The following PTPRT variants were observed in gnomAD, a reference collection of about 807,000 sequenced individuals.
PTPRT encodes the protein protein tyrosine phosphatase receptor type T.
In PTPRT, 56 loss-of-function variants were observed where a neutral mutation model predicts 176.8. That is an observed-to-expected ratio of 0.32 (90% confidence interval 0.26 to 0.40). PTPRT has a LOEUF of 0.40. Ranked by LOEUF, PTPRT falls within the 10% of genes least tolerant of loss-of-function variation. The pLI, the probability that PTPRT is intolerant of heterozygous loss-of-function variation, is 1.00. For missense variants in PTPRT, 1,540 were observed against 1,908.2 expected, an observed-to-expected ratio of 0.81 and a Z score of 3.60; for synonymous variants, 783 against 739.0, an observed-to-expected ratio of 1.06 and a Z score of -0.96.
intron 17 of PTPRT, among the ~76,000 whole-genome samples, chr20:42,149,743 G>T (rs955321740): frequency 7.2e-5 from 11 of 152,186 alleles, no homozygotes; most frequent in Admixed American, 5.2e-4. Context: ...TTTAAGAGGG[G>T]TAGGCTGAGC....
chr20:42,827,408 A>G (rs2078013373), intron 2 of PTPRT, among the ~76,000 whole-genome samples: 1 of 152,202 alleles, frequency 6.6e-6, no homozygotes, highest in Non-Finnish European at 1.5e-5. Context: ...ATTGCTCAAA[A>G]CCATGCAATT....
chr20:42,942,388 C>T (rs534987651), intron 1 of PTPRT, among the ~76,000 whole-genome samples: 1 of 152,342 alleles, frequency 6.6e-6, no homozygotes, highest in East Asian at 1.9e-4. Flanking sequence ...ACAGGATATG[C>T]ACTGGGCTTA....
chr20:42,936,071 G>A (rs1980169942), intron 1 of PTPRT, among the ~76,000 whole-genome samples: 1 of 152,156 alleles, frequency 6.6e-6, no homozygotes, highest in Non-Finnish European at 1.5e-5. Context: ...AGGCAGAAGT[G>A]AACAAAACAT....
chr20:42,953,037 T>G (rs2146021155), intron 1 of PTPRT, among the ~76,000 whole-genome samples: 1 of 152,158 alleles, frequency 6.6e-6, no homozygotes, highest in Admixed American at 6.5e-5. Flanking sequence ...CTTAAATGGG[T>G]TTCTTCCCCA....
intron 1 of PTPRT, among the ~76,000 whole-genome samples, chr20:43,120,924 A>C (rs1175278458): frequency 2.0e-5 from 3 of 152,228 alleles, no homozygotes; most frequent in Admixed American, 2.0e-4. Flanking sequence ...AAATTTTCAC[A>C]AACACACTTC....
chr20:42,747,270 A>G (rs2145365391), intron 6 of PTPRT, among the ~76,000 whole-genome samples: 1 of 152,320 alleles, frequency 6.6e-6, no homozygotes, highest in South Asian at 2.1e-4. Context: ...GTCTCGTCAC[A>G]TGCTTGTAAA....
Position 42,161,468 on chromosome 20 carries a change from C to T in PTPRT, c.2566G>A (p.Val856Met), listed in dbSNP as rs1157866097. The change falls in exon 17 of 31, where the codon GTG becomes ATG. Residue 856 changes from valine to methionine, a missense_variant. Transcript: ENST00000373187. Reference protein sequence around the residue: ...QTHPYRTCDPVEMSYPRDQFQ... With the variant: ...QTHPYRTCDPMEMSYPRDQFQ... ...TGGTCCCGGGGGTAGCTCATCTCCA[C>T]AGGGTCACAGGTGCGGTAGGGATGA... 1.2e-6 allele frequency: 2 copies of T among 1,614,014 alleles called. No individual in the cohort carries two copies. The highest frequency in any genetic ancestry group is 2.2e-5 in the East Asian group (1 of 44,888).
At chr20:42,861,793 C>T (rs1330211829) in intron 2 of PTPRT, among the ~76,000 whole-genome samples, 1 of 152,086 alleles carries the variant, frequency 6.6e-6, no homozygotes, top group Non-Finnish European at 1.5e-5. Flanking sequence ...GACATGCAAG[C>T]TCTTGCTGAG....
At chr20:42,586,982 T>C (rs1325383862) in intron 7 of PTPRT, among the ~76,000 whole-genome samples, 11 of 152,124 alleles carry the variant, frequency 7.2e-5, no homozygotes, top group Admixed American at 7.2e-4. Context: ...ATGGACCCCA[T>C]GGTCCAGCCA....
At chr20:42,459,354 A>G (rs1016054316) in intron 8 of PTPRT, among the ~76,000 whole-genome samples, 24 of 152,350 alleles carry the variant, frequency 1.6e-4, no homozygotes, top group Middle Eastern at 6.8e-3. Flanking sequence ...TGTGAGTGAC[A>G]AGAGAAACCA....
chr20:42,084,793 G>A lies in PTPRT; in HGVS notation c.4025C>T (p.Ala1342Val), dbSNP rs374501675. The change falls in exon 29 of 31, where the codon GCC (alanine) becomes GTC (valine). Residue 1342 changes from alanine (A) to valine (V), a missense_variant. Ala to Val is a moderately conservative substitution (Grantham distance 64). Transcript: ENST00000373187. ...VQHLQYIGWPAYRDTPPSKRS... is the reference protein window; with the variant it reads ...VQHLQYIGWPVYRDTPPSKRS... The stretch of plus-strand genomic sequence containing the variant: ...CTTGGAGGGGGGCGTGTCCCGGTAG[G>A]CAGGCCAGCCAATGTACTGGAGGTG... The A allele has an allele frequency of 2.3e-5, 36 of 1,550,118 alleles. No individual in the cohort carries two copies. In the African/African-American group the frequency reaches 3.4e-4, roughly 15 times the overall value.
chr20:43,011,807 T>G (rs1985140569), intron 1 of PTPRT, among the ~76,000 whole-genome samples: 1 of 152,182 alleles, frequency 6.6e-6, no homozygotes, highest in Admixed American at 6.5e-5. Flanking sequence ...AAACCTACCC[T>G]CAATCCGGGT....
At chr20:42,712,116 A>G (rs2076153280) in intron 6 of PTPRT, among the ~76,000 whole-genome samples, 1 of 152,168 alleles carries the variant, frequency 6.6e-6, no homozygotes, top group Non-Finnish European at 1.5e-5. Flanking sequence ...GGAGATGCCA[A>G]GCATGAGGGC....
At chr20:42,081,629 T>C (rs1983338663) in intron 30 of PTPRT, among the ~76,000 whole-genome samples, 1 of 152,222 alleles carries the variant, frequency 6.6e-6, no homozygotes, top group Admixed American at 6.5e-5. Flanking sequence ...TGACACTGTC[T>C]TAAGGAATGG....
Position 43,039,169 on chromosome 20 carries a change from C to T in PTPRT, c.88+150477G>A, listed in dbSNP as rs529412686. ...AGAGTACTGGGGAAATAATCCTCTC[C>T]AATATGAAAACATATCATAGCTACA... is the stretch of plus-strand genomic sequence containing the variant. On this transcript the variant is annotated intron_variant, in intron 1 of 30. Coordinates refer to ENST00000373187, the MANE Select transcript of PTPRT (RefSeq NM_007050.6). Among the ~76,000 whole-genome samples, 168 of 152,190 alleles carry T rather than the reference C, an allele frequency of 1.1e-3. 2 individuals are homozygous for T. The highest frequency in any genetic ancestry group is 3.6e-3 in the African/African-American group (150 of 41,536).
intron 11 of PTPRT, among the ~76,000 whole-genome samples, chr20:42,348,992 T>G (rs112182096): frequency 2.6e-3 from 403 of 152,312 alleles, no homozygotes; most frequent in African/African-American, 9.1e-3. Context: ...CTTCTCTGAC[T>G]TAGGGGGAGC....
chr20:43,073,236 A>C (rs543603884), intron 1 of PTPRT, among the ~76,000 whole-genome samples: 1 of 152,340 alleles, frequency 6.6e-6, no homozygotes, highest in South Asian at 2.1e-4. Flanking sequence ...TTTAACTGTT[A>C]AATATACAAT....
chr20:42,479,886 T>C (rs902371178), intron 7 of PTPRT, among the ~76,000 whole-genome samples: 2 of 152,194 alleles, frequency 1.3e-5, no homozygotes, highest in African/African-American at 2.4e-5. Flanking sequence ...ATCTTATAAA[T>C]ATAAGCAAGC....
At chr20:43,062,640 T>C (rs1289482033) in intron 1 of PTPRT, among the ~76,000 whole-genome samples, 1 of 152,202 alleles carries the variant, frequency 6.6e-6, no homozygotes, top group Admixed American at 6.5e-5. Flanking sequence ...CAAGAATGAA[T>C]ACCAAATGTA....
Sources: gnomAD v4.1 joint callset for allele counts (sites outside exome capture counted in the v4.1 genomes callset) on GRCh38, gnomAD v4.1.1 for gene constraint, MANE v1.5 for transcripts, NCBI Gene and HGNC (gene_info 2026-07-23, HGNC 2026-07-21) for gene names.